TNRC6B: variants seen among roughly 807,000 people sequenced by gnomAD.
TNRC6B encodes the protein trinucleotide repeat containing adaptor 6B.
TNRC6B carries 52 observed loss-of-function variants against 203.6 expected under a neutral mutation model. That is an observed-to-expected ratio of 0.26 (90% confidence interval 0.20 to 0.32). The LOEUF (loss-of-function observed/expected upper bound fraction) is 0.32, where lower values mean the gene tolerates loss of function less well. Among genes scored for constraint, TNRC6B ranks in the 10% least tolerant of loss-of-function variants. TNRC6B has a pLI of 1.00. For synonymous variants in TNRC6B, 838 were observed against 845.7 expected (o/e 0.99, Z 0.16); for missense variants, 1,923 against 2,286.2 (o/e 0.84, Z 3.24).
At position 40,331,794 on chromosome 22, in the gene TNRC6B, T is replaced by C. The variant is rs1219494113; in HGVS notation, c.*8553T>C. 4 of 373,044 alleles carry C rather than the reference T, an allele frequency of 1.1e-5. No individual in the cohort carries two copies. Among genetic ancestry groups the C allele is most frequent in the Non-Finnish European group, 1.4e-5 (3 of 208,268 alleles). 23.1% of individuals were successfully genotyped at this position (373,044 alleles called of 1,614,324 possible). A position where few individuals can be genotyped will look rare whatever the true frequency, so the allele number is the denominator to read the frequency against. On this transcript the variant is annotated 3_prime_UTR_variant, in exon 23 of 23. Transcript: ENST00000454349. ...GAAAGGGGAAGGGAGTAGCGTTGCA[T>C]CCTTGTTCTTCAGTTTCTGTGTCCA...
intron 3 of TNRC6B, chr22:40,253,710 G>A (rs932758333): frequency 1.1e-5 from 5 of 456,344 alleles, no homozygotes; most frequent in Admixed American, 9.4e-5. Flanking sequence ...CCTGGGGTAT[G>A]TTAAGACTGT....
intron 1 of TNRC6B, among the ~76,000 whole-genome samples, chr22:40,225,229 T>C (rs976254584): frequency 6.6e-6 from 1 of 152,178 alleles, no homozygotes; most frequent in Non-Finnish European, 1.5e-5. Flanking sequence ...TTGACCATGC[T>C]TGAGTACAGG....
At position 40,204,326 on chromosome 22, in the gene TNRC6B, A is replaced by C. The variant is rs145122576; in HGVS notation, c.5+26186A>C. 8.5e-5 allele frequency among the ~76,000 whole-genome samples: 13 copies of C among 152,258 alleles called. No homozygotes were observed. The East Asian group carries it at 2.5e-3, about 29-fold the overall frequency. ...GTAAGCCTCTGGCATTTATTCACGG[A>C]CCATTGGGATAAACCAGGCATGTAG... On this transcript the variant is annotated intron_variant, in intron 1 of 22. Coordinates refer to ENST00000454349, the MANE Select transcript of TNRC6B (RefSeq NM_001162501.2).
intron 21 of TNRC6B, among the ~76,000 whole-genome samples, chr22:40,317,531 T>C (rs1241145598): frequency 6.6e-6 from 1 of 152,164 alleles, no homozygotes; most frequent in Non-Finnish European, 1.5e-5. Flanking sequence ...TGAGCTGAGA[T>C]TGCACCACTG....
intron 5 of TNRC6B, among the ~76,000 whole-genome samples, chr22:40,267,455 T>C (rs2070497280): frequency 6.6e-6 from 1 of 152,256 alleles, no homozygotes; most frequent in African/African-American, 2.4e-5. Context: ...GAAATAATTC[T>C]GTGTTTTTCC....
chr22:40,154,860 A>AAT (rs71199273), intron 3 of TNRC6B, among the ~76,000 whole-genome samples: 496 of 23,520 alleles, frequency 0.021, 13 homozygotes, highest in South Asian at 0.024. Flanking sequence ...AAAAAAAAAA[A>AAT]ATATATATAT....
At chr22:40,098,818 C>G (rs2068208941) in intron 1 of TNRC6B, among the ~76,000 whole-genome samples, 1 of 152,086 alleles carries the variant, frequency 6.6e-6, no homozygotes, top group South Asian at 2.1e-4. Context: ...ATCTCGAACT[C>G]CTGGGCTCAA....
At chr22:40,284,952 G>A (rs978139595) in intron 11 of TNRC6B, among the ~76,000 whole-genome samples, 1 of 152,226 alleles carries the variant, frequency 6.6e-6, no homozygotes, top group Non-Finnish European at 1.5e-5. Flanking sequence ...TAGTGTAGAA[G>A]TGCTCCAGTG....
At chr22:40,260,201 CT>C (rs5845452) in intron 3 of TNRC6B, among the ~76,000 whole-genome samples, 286 of 146,382 alleles carry the variant, frequency 2.0e-3, no homozygotes, top group Admixed American at 2.3e-3. Context: ...GGAAGAAACA[CT>C]TTTTTTTTTT....
chr22:40,258,101 T>TTTTTTA (rs869114055), intron 3 of TNRC6B, among the ~76,000 whole-genome samples: 2 of 108,414 alleles, frequency 1.8e-5, no homozygotes, highest in Admixed American at 8.5e-5. Flanking sequence ...TTTTTTTTTT[T>TTTTTTA]ACCCCACAAT....
chr22:40,110,113 G>A (rs2068320015), intron 1 of TNRC6B, among the ~76,000 whole-genome samples: 1 of 152,078 alleles, frequency 6.6e-6, no homozygotes, highest in South Asian at 2.1e-4. Flanking sequence ...CAATAAATTG[G>A]TCACAAAAGT....
chr22:40,326,229 C>T lies in TNRC6B; in HGVS notation c.*2988C>T, dbSNP rs1045260423. 3.3e-5 allele frequency: 5 copies of T among 152,432 alleles called. No individual in the cohort carries two copies. The highest frequency in any genetic ancestry group is 7.4e-5 in the Non-Finnish European group (5 of 68,002). 9.4% of individuals were successfully genotyped at this position (152,432 alleles called of 1,614,324 possible). A position where few individuals can be genotyped will look rare whatever the true frequency, so the allele number is the denominator to read the frequency against. ...GATGGTTTATTTAACCATATCTTAT[C>T]CTAGAGAGATGGCTGTTTCTTTCCT... On this transcript the variant is annotated 3_prime_UTR_variant, in exon 23 of 23. Coordinates refer to ENST00000454349, the MANE Select transcript of TNRC6B (RefSeq NM_001162501.2).
chr22:40,158,125 G>A (rs1164476677), intron 4 of TNRC6B, among the ~76,000 whole-genome samples: 3 of 152,036 alleles, frequency 2.0e-5, no homozygotes, highest in African/African-American at 7.3e-5. Flanking sequence ...ATCACTTGAG[G>A]TTGGGAGTTC....
At chr22:40,179,197 C>A (rs1170478235) in intron 1 of TNRC6B, among the ~76,000 whole-genome samples, 3 of 152,122 alleles carry the variant, frequency 2.0e-5, no homozygotes, top group Admixed American at 6.5e-5. Flanking sequence ...TTCTGGAAGC[C>A]TGAGAGCAGG....
chr22:40,321,244 C>G lies in TNRC6B; in HGVS notation c.5114+15C>G, dbSNP rs778766326. The G allele has an allele frequency of 7.4e-6, 12 of 1,612,538 alleles. No individual in the cohort carries two copies. The highest frequency in any genetic ancestry group is 9.3e-6 in the Non-Finnish European group (11 of 1,179,176). ...GCACTGCACATGTGAGTATTCGGTC[C>G]TACACCCACGTAGACAAACATGCAT... is the stretch of plus-strand genomic sequence containing the variant. On this transcript the variant is annotated intron_variant, in intron 22 of 22. Coordinates refer to ENST00000454349, the MANE Select transcript of TNRC6B (RefSeq NM_001162501.2).
chr22:40,269,178 GGCTGGAGTGCAGT>G (rs1252192813), intron 5 of TNRC6B, among the ~76,000 whole-genome samples: 1 of 123,084 alleles, frequency 8.1e-6, no homozygotes. Context: ...CTGTCTCCCA[GGCTGGAGTGCAGT>G]GGCGCAATCT....
rs146269360 is a variant in TNRC6B, at chr22:40,218,226, A to G, written c.6-27789A>G. 1.5e-3 allele frequency among the ~76,000 whole-genome samples: 234 copies of G among 152,056 alleles called. 1 individual carries two copies. The highest frequency in any genetic ancestry group is 3.4e-3 in the Middle Eastern group (1 of 292). On this transcript the variant is annotated intron_variant, in intron 1 of 22. Coordinates refer to ENST00000454349, the MANE Select transcript of TNRC6B (RefSeq NM_001162501.2). ...TTTATATAATAACTCATTGATTACCAAGTGATAGCAAGAACTAGGCATTCT... is the reference window on the plus strand; with the variant it reads ...TTTATATAATAACTCATTGATTACCGAGTGATAGCAAGAACTAGGCATTCT...
chr22:40,234,582 A>G (rs1238879669), intron 1 of TNRC6B, among the ~76,000 whole-genome samples: 1 of 152,232 alleles, frequency 6.6e-6, no homozygotes, highest in Non-Finnish European at 1.5e-5. Flanking sequence ...ACAGCCTCAG[A>G]AAGGAAGGTA....
At chr22:40,300,615 A>C in intron 13 of TNRC6B, 29 bp downstream of exon 13, 1 of 1,583,432 alleles carries the variant, frequency 6.3e-7, no homozygotes, top group Non-Finnish European at 8.5e-7. Flanking sequence ...TCCTGTGGCT[A>C]AAAAGGTCAT....
Sources: allele counts gnomAD v4.1 joint callset (sites outside exome capture counted in the v4.1 genomes callset), GRCh38; gene constraint gnomAD v4.1.1; transcripts MANE v1.5; gene names NCBI Gene and HGNC (gene_info 2026-07-23, HGNC 2026-07-21).